Variants in OXCT1 observed in about 807,000 individuals in gnomAD.
OXCT1 encodes the protein succinyl-CoA:3-ketoacid coenzyme A transferase 1, mitochondrial.
OXCT1 carries 27 observed loss-of-function variants against 69.6 expected under a neutral mutation model. The ratio of observed to expected loss-of-function variants is 0.39; its 90% CI spans 0.29 to 0.54. The LOEUF (loss-of-function observed/expected upper bound fraction) is 0.54, where lower values mean the gene tolerates loss of function less well. OXCT1 is among the 20% of genes least tolerant of loss of function. The probability of loss-of-function intolerance (pLI) is 0.72; values close to 1 mark genes in which losing one functional copy is unlikely to be tolerated. For synonymous variants in OXCT1, 202 were observed against 217.8 expected (o/e 0.93, Z 0.64); for missense variants, 437 against 650.2 (o/e 0.67, Z 3.57).
chr5:41,814,880 AAAAT>A (rs922593367), intron 7 of OXCT1, among the ~76,000 whole-genome samples: 1 of 152,064 alleles, frequency 6.6e-6, no homozygotes, highest in Admixed American at 6.6e-5. Context: ...TATAATAATA[AAAAT>A]AAATAAATAA....
chr5:41,793,864 T>C lies in OXCT1; in HGVS notation c.1248+139A>G, dbSNP rs192379407. ...GAATACTTCTCAGTGCTTACTTAAT[T>C]AAAATTTGATTCTAGTAAGAAATAT... is the stretch of plus-strand genomic sequence containing the variant. On this transcript the variant is annotated intron_variant, in intron 13 of 16. Transcript: ENST00000196371. 1.5e-4 allele frequency: 101 copies of C among 661,524 alleles called. 1 individual carries two copies. In the Admixed American group the frequency reaches 1.8e-3, roughly 12 times the overall value. 41.0% of individuals were successfully genotyped at this position (661,524 alleles called of 1,614,324 possible).
chr5:41,834,628 A>T (rs942166989), intron 7 of OXCT1, among the ~76,000 whole-genome samples: 5 of 152,184 alleles, frequency 3.3e-5, no homozygotes, highest in African/African-American at 1.2e-4. Flanking sequence ...AGAGGATACA[A>T]TGATTATAAA....
At chr5:41,854,669 G>A (rs1032087139) in intron 3 of OXCT1, among the ~76,000 whole-genome samples, 1 of 151,706 alleles carries the variant, frequency 6.6e-6, no homozygotes, top group Non-Finnish European at 1.5e-5. Context: ...ATTTTTTAAT[G>A]GTGAAATTGT....
At chr5:41,853,664 T>C (rs1749293340) in intron 3 of OXCT1, 110 bp from the exon 4 acceptor site, 4 of 1,215,426 alleles carry the variant, frequency 3.3e-6, no homozygotes, top group Non-Finnish European at 3.5e-6. Flanking sequence ...TCCTTTCTTA[T>C]AGGCATTTGA....
chr5:41,761,825 A>T (rs1744361872), intron 14 of OXCT1, among the ~76,000 whole-genome samples: 1 of 152,188 alleles, frequency 6.6e-6, no homozygotes, highest in Admixed American at 6.6e-5. Context: ...TGGAGATATT[A>T]AAGCTTTTAC....
At chr5:41,829,788 A>G (rs749197687) in intron 7 of OXCT1, among the ~76,000 whole-genome samples, 16 of 152,158 alleles carry the variant, frequency 1.1e-4, no homozygotes, top group Non-Finnish European at 1.5e-4. Context: ...TAGAAATAGC[A>G]AATATTAACG....
At chr5:41,748,377 A>G (rs1015041774) in intron 15 of OXCT1, among the ~76,000 whole-genome samples, 2 of 152,024 alleles carry the variant, frequency 1.3e-5, no homozygotes, top group Non-Finnish European at 2.9e-5. Flanking sequence ...ATGTTTCTGG[A>G]ATTATCTTTA....
At chr5:41,836,556 C>T (rs1193200630) in intron 7 of OXCT1, among the ~76,000 whole-genome samples, 2 of 152,184 alleles carry the variant, frequency 1.3e-5, no homozygotes, top group Non-Finnish European at 2.9e-5. Context: ...TTGTGGAAGA[C>T]ACTTTTTCCA....
At chr5:41,774,760 C>T (rs942377971) in intron 13 of OXCT1, among the ~76,000 whole-genome samples, 13 of 151,906 alleles carry the variant, frequency 8.6e-5, no homozygotes, top group Admixed American at 1.3e-4. Flanking sequence ...CCGGGCGTGG[C>T]GGCATGCACC....
chr5:41,852,228 G>A (rs976957118), intron 4 of OXCT1, among the ~76,000 whole-genome samples: 3 of 152,124 alleles, frequency 2.0e-5, no homozygotes, highest in African/African-American at 7.2e-5. Flanking sequence ...TCAAAAAACT[G>A]AGAAAATTGA....
chr5:41,740,124 G>A (rs1233114226), intron 15 of OXCT1, among the ~76,000 whole-genome samples: 1 of 152,124 alleles, frequency 6.6e-6, no homozygotes, highest in Non-Finnish European at 1.5e-5. Flanking sequence ...AGGTCAATTA[G>A]TGATTAATAA....
intron 2 of OXCT1, 140 bp from the exon 3 acceptor site, chr5:41,861,544 C>T: frequency 1.4e-6 from 1 of 699,780 alleles, no homozygotes; most frequent in South Asian, 1.5e-5. Context: ...AGATATATCT[C>T]AGCAGCTAAG....
intron 15 of OXCT1, among the ~76,000 whole-genome samples, chr5:41,748,589 T>C (rs1031221311): frequency 6.6e-6 from 1 of 152,024 alleles, no homozygotes; most frequent in African/African-American, 2.4e-5. Flanking sequence ...GTTACCTTCA[T>C]GGCATTCCAC....
chr5:41,751,814 C>T (rs1002794519), intron 14 of OXCT1, among the ~76,000 whole-genome samples: 4 of 152,068 alleles, frequency 2.6e-5, no homozygotes, highest in African/African-American at 4.8e-5. Context: ...CCATATGGCT[C>T]TCCTAAGAAA....
chr5:41,743,423 G>A (rs1743292302), intron 15 of OXCT1, among the ~76,000 whole-genome samples: 1 of 152,142 alleles, frequency 6.6e-6, no homozygotes, highest in Admixed American at 6.5e-5. Context: ...CTCCCATTCT[G>A]TAGGTTGCCT....
At chr5:41,801,000 G>T in intron 11 of OXCT1, 22 bp downstream of exon 11, 1 of 1,601,426 alleles carries the variant, frequency 6.2e-7, no homozygotes, top group South Asian at 1.1e-5. Flanking sequence ...CAAAGGGAAG[G>T]GCTAGAAATA....
chr5:41,842,718 C>T lies in OXCT1; in HGVS notation c.628G>A (p.Val210Met). ...GCTCGGTCCGCCTTCCAGGCTTTCA[C>T]CAAAGCAAAATCCCCTGTAATTGCT... ...EEAITGDFALVKAWKADRAGN... is the reference protein window; with the variant it reads ...EEAITGDFALMKAWKADRAGN... The change falls in exon 6 of 17, where the codon GTG (valine) becomes ATG (methionine). Residue 210 changes from valine to methionine, a missense_variant. Physicochemically the swap from Val to Met is conservative, Grantham distance 21. Coordinates refer to ENST00000196371, the MANE Select transcript of OXCT1 (RefSeq NM_000436.4). The T allele has an allele frequency of 6.2e-7, 1 of 1,613,916 alleles. No homozygotes were observed. Among genetic ancestry groups the T allele is most frequent in the Non-Finnish European group, 8.5e-7 (1 of 1,179,800 alleles).
intron 13 of OXCT1, among the ~76,000 whole-genome samples, chr5:41,788,145 G>A (rs1036939251): frequency 6.6e-6 from 1 of 152,084 alleles, no homozygotes; most frequent in African/African-American, 2.4e-5. Context: ...GTTTACTATT[G>A]TATAATTCTT....
At chr5:41,792,767 G>A (rs552039664) in intron 13 of OXCT1, among the ~76,000 whole-genome samples, 14 of 152,238 alleles carry the variant, frequency 9.2e-5, no homozygotes, top group African/African-American at 2.9e-4. Flanking sequence ...ATGGCTCAAT[G>A]ATGTTTTTCT....
Sources: gnomAD v4.1 joint callset for allele counts (sites outside exome capture counted in the v4.1 genomes callset) on GRCh38, gnomAD v4.1.1 for gene constraint, MANE v1.5 for transcripts, NCBI Gene and HGNC (gene_info 2026-07-23, HGNC 2026-07-21) for gene names.